DGLUCY: variants seen among roughly 807,000 people sequenced by gnomAD.
DGLUCY encodes the protein D-glutamate cyclase, mitochondrial.
In DGLUCY, 58 loss-of-function variants were observed where a neutral mutation model predicts 58.5. The observed-to-expected ratio is 0.99, with a 90% CI of 0.80 to 1.23. The LOEUF is 1.23. Among genes scored for constraint, DGLUCY ranks in the 50% most tolerant of loss-of-function variants. The pLI, the probability that DGLUCY is intolerant of heterozygous loss-of-function variation, is 0.00. For missense variants in DGLUCY, 779 were observed against 784.7 expected (o/e 0.99, Z 0.09); for synonymous variants, 325 against 314.1 (o/e 1.03, Z -0.37).
At chr14:91,129,147 T>C (rs1033576590) in intron 1 of DGLUCY, among the ~76,000 whole-genome samples, 2 of 152,190 alleles carry the variant, frequency 1.3e-5, no homozygotes, top group Admixed American at 6.5e-5. Context: ...TTTTATCTTT[T>C]CTTTTAAATT....
At chr14:91,162,023 G>T (rs1315852345) in intron 3 of DGLUCY, among the ~76,000 whole-genome samples, 1 of 152,062 alleles carries the variant, frequency 6.6e-6, no homozygotes, top group East Asian at 1.9e-4. Context: ...GAGCCTGGAG[G>T]GAGACAGCCT....
At chr14:91,218,751 G>A (rs1442434167) in intron 13 of DGLUCY, among the ~76,000 whole-genome samples, 2 of 152,108 alleles carry the variant, frequency 1.3e-5, no homozygotes, top group Non-Finnish European at 2.9e-5. Flanking sequence ...TGTTTGTTGA[G>A]CCCCGCCCCT....
intron 13 of DGLUCY, among the ~76,000 whole-genome samples, chr14:91,218,928 C>T (rs569249657): frequency 1.3e-5 from 2 of 151,838 alleles, no homozygotes; most frequent in South Asian, 2.1e-4. Context: ...ACCTGTATTC[C>T]CAGAACTTTG....
chr14:91,128,945 T>C (rs1383311128), intron 1 of DGLUCY: 2 of 151,732 alleles, frequency 1.3e-5, no homozygotes, highest in Non-Finnish European at 2.9e-5. Context: ...CCTTCTGGGT[T>C]GGGGGAAAGA....
At chr14:91,071,334 CAAAAA>C (rs3086750) in intron 1 of DGLUCY, among the ~76,000 whole-genome samples, 1 of 84,222 alleles carries the variant, frequency 1.2e-5, no homozygotes. Flanking sequence ...GAGATTCCAC[CAAAAA>C]AAAAAAAAAA....
intron 2 of DGLUCY, among the ~76,000 whole-genome samples, chr14:91,159,703 A>T (rs150446706): frequency 1.3e-5 from 2 of 152,356 alleles, no homozygotes; most frequent in Admixed American, 1.3e-4. Context: ...TACCTTCTAG[A>T]AACCTAAATC....
chr14:91,097,394 T>C (rs2044412944), intron 1 of DGLUCY, among the ~76,000 whole-genome samples: 1 of 151,772 alleles, frequency 6.6e-6, no homozygotes, highest in Non-Finnish European at 1.5e-5. Flanking sequence ...AGACACTGTC[T>C]CAAAAAAAAC....
At chr14:91,149,781 T>G (rs941140347) in intron 1 of DGLUCY, among the ~76,000 whole-genome samples, 5 of 152,240 alleles carry the variant, frequency 3.3e-5, no homozygotes, top group Non-Finnish European at 7.3e-5. Flanking sequence ...TTTTGCCACT[T>G]GGTTGGGTTG....
upstream of DGLUCY, among the ~76,000 whole-genome samples, chr14:91,112,698 A>G (rs933253746): frequency 6.6e-6 from 1 of 152,162 alleles, no homozygotes; most frequent in Non-Finnish European, 1.5e-5. Flanking sequence ...AAGCAAAAAC[A>G]AAAAACCAAA....
Position 91,215,764 on chromosome 14 carries a change from G to A in DGLUCY, c.1716+208G>A, listed in dbSNP as rs1465437072. On this transcript the variant is annotated intron_variant, in intron 13 of 13. Transcript: ENST00000256324. Reference sequence around the variant, plus strand: ...GAATCGTGTGGCAGGCCTGATCCAAGTGACCATTTTCCTTCTAGTTTGACT... The same window carrying A: ...GAATCGTGTGGCAGGCCTGATCCAAATGACCATTTTCCTTCTAGTTTGACT... 2.1e-6 allele frequency: 3 copies of A among 1,418,508 alleles called. No homozygotes were observed. The African/African-American group carries it at 4.3e-5, about 20-fold the overall frequency. 87.9% of individuals were successfully genotyped at this position (1,418,508 alleles called of 1,614,324 possible).
chr14:91,140,244 T>TA (rs1486306939), intron 1 of DGLUCY, among the ~76,000 whole-genome samples: 1 of 152,202 alleles, frequency 6.6e-6, no homozygotes, highest in Non-Finnish European at 1.5e-5. Context: ...CCTAAAAATG[T>TA]AAAACCTATT....
intron 10 of DGLUCY, among the ~76,000 whole-genome samples, chr14:91,198,598 C>T (rs916782451): frequency 7.2e-5 from 11 of 152,124 alleles, no homozygotes; most frequent in Non-Finnish European, 1.5e-4. Flanking sequence ...CTGCCTGCCT[C>T]GGCCTCCCAA....
intron 12 of DGLUCY, among the ~76,000 whole-genome samples, chr14:91,211,883 C>T (rs1204137700): frequency 1.3e-5 from 2 of 152,178 alleles, no homozygotes; most frequent in African/African-American, 4.8e-5. Flanking sequence ...TCACTGCAAC[C>T]TCCACCTCCT....
intron 1 of DGLUCY, among the ~76,000 whole-genome samples, chr14:91,140,012 G>A (rs1481289678): frequency 6.6e-6 from 1 of 152,214 alleles, no homozygotes; most frequent in South Asian, 2.1e-4. Context: ...TGTAAGATAA[G>A]GTGAACATAG....
intron 1 of DGLUCY, among the ~76,000 whole-genome samples, chr14:91,072,665 C>A (rs199989793): frequency 0.031 from 2,427 of 78,688 alleles, 58 homozygotes; most frequent in Middle Eastern, 0.11. Context: ...AAAAAAAAAA[C>A]AAAAAACAAA....
chr14:91,187,183 A>G (rs1232210744), intron 8 of DGLUCY, among the ~76,000 whole-genome samples: 1 of 152,102 alleles, frequency 6.6e-6, no homozygotes, highest in Non-Finnish European at 1.5e-5. Context: ...TATTTTTAGT[A>G]GAGACGGGGT....
At chr14:91,164,327 C>T (rs2140365222) in intron 3 of DGLUCY, among the ~76,000 whole-genome samples, 1 of 152,286 alleles carries the variant, frequency 6.6e-6, no homozygotes, top group East Asian at 1.9e-4. Flanking sequence ...AAGCAAATGA[C>T]AAGTATGCAC....
At chr14:91,188,831 G>A (rs1345394115) in intron 8 of DGLUCY, 79 bp from the exon 9 acceptor site, 19 of 1,440,458 alleles carry the variant, frequency 1.3e-5, no homozygotes, top group East Asian at 2.5e-5. Flanking sequence ...CCTATCATAA[G>A]TAAATAAATA....
chr14:91,151,132 C>A (rs1007866830), intron 1 of DGLUCY, among the ~76,000 whole-genome samples: 3 of 152,122 alleles, frequency 2.0e-5, no homozygotes, highest in African/African-American at 7.2e-5. Flanking sequence ...CATGTTGTAG[C>A]ATGCATCAGA....
Sources: gnomAD v4.1 joint callset for allele counts (sites outside exome capture counted in the v4.1 genomes callset) on GRCh38, gnomAD v4.1.1 for gene constraint, MANE v1.5 for transcripts, NCBI Gene and HGNC (gene_info 2026-07-23, HGNC 2026-07-21) for gene names.